Variants in CFAP69 observed in about 807,000 individuals in gnomAD.
CFAP69 encodes the protein cilia and flagella associated protein 69.
In CFAP69, 92 loss-of-function variants were observed where a neutral mutation model predicts 123.0. The ratio of observed to expected loss-of-function variants is 0.75; its 90% CI spans 0.63 to 0.89. The LOEUF (loss-of-function observed/expected upper bound fraction) is 0.89. CFAP69 is among the 40% of genes least tolerant of loss of function. The pLI, the probability that CFAP69 is intolerant of heterozygous loss-of-function variation, is 0.00. For missense variants in CFAP69, 1,067 were observed against 1,096.9 expected (o/e 0.97, Z 0.39); for synonymous variants, 380 against 364.3 (o/e 1.04, Z -0.49).
the CFAP69 span, chr7:90,316,948 A>G: frequency 2.6e-5 from 4 of 152,228 alleles, no homozygotes; most frequent in Non-Finnish European, 5.9e-5. Flanking sequence ...CTCACTTTAC[A>G]GCATTGAACT....
At chr7:90,320,048 T>C in the CFAP69 span, among the ~76,000 whole-genome samples, 2 of 152,308 alleles carry the variant, frequency 1.3e-5, no homozygotes, top group South Asian at 4.1e-4. Context: ...GAGCTTATGC[T>C]CCAACCTTCT....
intron 11 of CFAP69, among the ~76,000 whole-genome samples, 155 bp downstream of exon 11, chr7:90,277,489 TTCTTTGC>T (rs1788793026): frequency 6.6e-6 from 1 of 152,214 alleles, no homozygotes; most frequent in Non-Finnish European, 1.5e-5. Flanking sequence ...TTTAAATTTT[TTCTTTGC>T]TTATCTGTTA....
chr7:90,264,983 G>A (rs965427005), intron 4 of CFAP69, among the ~76,000 whole-genome samples: 3 of 151,862 alleles, frequency 2.0e-5, no homozygotes, highest in Non-Finnish European at 2.9e-5. Context: ...TAGAAGAGAC[G>A]GAATTTCACC....
intron 5 of CFAP69, among the ~76,000 whole-genome samples, chr7:90,266,855 TA>T (rs926086515): frequency 6.6e-6 from 1 of 152,222 alleles, no homozygotes; most frequent in African/African-American, 2.4e-5. Flanking sequence ...TACTACGTAC[TA>T]ATAAGTTATA....
At chr7:90,278,473 A>G (rs989303733) in intron 11 of CFAP69, among the ~76,000 whole-genome samples, 2 of 152,126 alleles carry the variant, frequency 1.3e-5, no homozygotes, top group African/African-American at 4.8e-5. Flanking sequence ...GTATTTTCCA[A>G]AATGCAAATG....
At chr7:90,315,298 C>A (rs564467812), downstream of CFAP69, among the ~76,000 whole-genome samples, 1 of 152,080 alleles carries the variant, frequency 6.6e-6, no homozygotes, top group African/African-American at 2.4e-5. Flanking sequence ...TAAAGACACA[C>A]GCACATGAAT....
chr7:90,282,750 A>G (rs2117078602), intron 12 of CFAP69, 142 bp from the exon 13 acceptor site: 1 of 597,010 alleles, frequency 1.7e-6, no homozygotes, highest in South Asian at 6.7e-5. Flanking sequence ...AAGGGATAAT[A>G]TTTTATTTCT....
At chr7:90,321,552 T>C in the CFAP69 span, among the ~76,000 whole-genome samples, 1 of 152,186 alleles carries the variant, frequency 6.6e-6, no homozygotes, top group African/African-American at 2.4e-5. Context: ...CCTTCTTTTT[T>C]CTTAGCTGAG....
intron 3 of CFAP69, among the ~76,000 whole-genome samples, chr7:90,260,538 A>C (rs1390582017): frequency 2.6e-5 from 4 of 152,148 alleles, no homozygotes; most frequent in Non-Finnish European, 5.9e-5. Flanking sequence ...TCTCTAAAAA[A>C]AAGAAAAAAA....
the CFAP69 span, chr7:90,318,496 T>C: frequency 2.6e-5 from 4 of 152,142 alleles, no homozygotes; most frequent in African/African-American, 9.6e-5. Context: ...ATATACTACA[T>C]TAAATATTAC....
rs763364101 is a variant in CFAP69 at position 90,299,873 on chromosome 7, C to CA, written c.1872dup (p.Phe625IlefsTer3). ...TTCTGTTTCCTTGCTAAAGTTGAAC[C>CA]AAAAAAAATTCTGTAATCTAATACT... On this transcript the variant is annotated frameshift_variant, in exon 17 of 23. Coordinates refer to ENST00000389297, the MANE Select transcript of CFAP69 (RefSeq NM_001039706.3). The CA allele has an allele frequency of 2.4e-5, 38 of 1,589,968 alleles. No homozygotes were observed. Among genetic ancestry groups the CA allele is most frequent in the Admixed American group, 3.5e-5 (2 of 57,152 alleles).
rs998211208 is a variant in CFAP69, at chr7:90,310,230, C to A, written c.2818C>A (p.Pro940Thr). ...KIVDAPKKSI[P>T]T ...TGTGGATGCACCAAAAAAGAGTATTCCTACGTAATATACTATAGAGACTTT... is the reference window on the plus strand; with the variant it reads ...TGTGGATGCACCAAAAAAGAGTATTACTACGTAATATACTATAGAGACTTT... Residue 940 changes from proline to threonine, a missense_variant, in exon 23 of 23, where the codon CCT becomes ACT. By Grantham distance (38) the Pro-to-Thr change is conservative (BLOSUM62 -1). Coordinates refer to ENST00000389297, the MANE Select transcript of CFAP69 (RefSeq NM_001039706.3). 6.2e-7 allele frequency: 1 copy of A among 1,612,604 alleles called. No homozygotes were observed. Among genetic ancestry groups the A allele is most frequent in the Non-Finnish European group, 8.5e-7 (1 of 1,179,130 alleles).
At chr7:90,303,912 T>G (rs1436542039) in intron 17 of CFAP69, 57 bp from the exon 18 acceptor site, 51 of 1,459,730 alleles carry the variant, frequency 3.5e-5, no homozygotes, top group Non-Finnish European at 4.6e-5. Context: ...AATTAAGTAT[T>G]TGTTTACTAT....
At chr7:90,251,888 T>C (rs1797054661) in intron 1 of CFAP69, 1 of 152,102 alleles carries the variant, frequency 6.6e-6, no homozygotes, top group East Asian at 1.9e-4. Flanking sequence ...AATCTGAAAA[T>C]ACACACAAAT....
chr7:90,288,336 A>C lies in CFAP69; in HGVS notation c.1759A>C (p.Thr587Pro), dbSNP rs773119448. The C allele has an allele frequency of 6.2e-7, 1 of 1,610,874 alleles. No individual in the cohort carries two copies. Among genetic ancestry groups the C allele is most frequent in the South Asian group, 1.1e-5 (1 of 90,704 alleles). Residue 587 changes from threonine (T) to proline (P), a missense_variant, in exon 15 of 23, where the codon ACA becomes CCA. Coordinates refer to ENST00000389297, the MANE Select transcript of CFAP69 (RefSeq NM_001039706.3). ...GLGYNVLLFS[T>P]LDSIWCCILG... ...AGGCTATAATGTACTTCTTTTTAGT[A>C]CATTGGACAGCATTTGGTGAGTATT... is the stretch of plus-strand genomic sequence containing the variant.
At chr7:90,260,244 G>A (rs1181469114) in intron 3 of CFAP69, among the ~76,000 whole-genome samples, 5 of 152,104 alleles carry the variant, frequency 3.3e-5, no homozygotes, top group Admixed American at 3.3e-4. Context: ...AAGTTATCAA[G>A]CCCGTGCATT....
chr7:90,281,874 G>T lies in CFAP69; in HGVS notation c.1373-1018G>T, dbSNP rs28493882. Among the ~76,000 whole-genome samples, 892 of 152,106 alleles carry T rather than the reference G, an allele frequency of 5.9e-3. 14 individuals carry two copies. Among genetic ancestry groups the T allele is most frequent in the African/African-American group, 0.02 (843 of 41,468 alleles). Reference sequence around the variant, plus strand: ...TGACTGATAATAGATTAGAATCCAGGTTCATAAAGAACTCCTATATATCAA... The same window carrying T: ...TGACTGATAATAGATTAGAATCCAGTTTCATAAAGAACTCCTATATATCAA... On this transcript the variant is annotated intron_variant, in intron 12 of 22. Coordinates refer to ENST00000389297, the MANE Select transcript of CFAP69 (RefSeq NM_001039706.3).
rs779695548 is a variant in CFAP69 at position 90,310,117 on chromosome 7, T to G, written c.2705T>G (p.Val902Gly). 5 of 1,613,808 alleles carry G rather than the reference T, an allele frequency of 3.1e-6. No individual in the cohort carries two copies. The African/African-American group carries it at 6.7e-5, about 22-fold the overall frequency. ...VTVESTPARL[V>G]GGPLVDTDIA... Reference sequence around the variant, plus strand: ...GTGGAAAGCACTCCTGCCCGATTAGTAGGAGGACCTCTGGTTGATACGGAT... The same window carrying G: ...GTGGAAAGCACTCCTGCCCGATTAGGAGGAGGACCTCTGGTTGATACGGAT... The change falls in exon 23 of 23, where the codon GTA becomes GGA. Residue 902 changes from valine to glycine, a missense_variant. By Grantham distance (109) the Val-to-Gly change is moderately radical (BLOSUM62 -3). Transcript: ENST00000389297.
At chr7:90,278,803 T>G (rs975774260) in intron 11 of CFAP69, among the ~76,000 whole-genome samples, 1 of 152,128 alleles carries the variant, frequency 6.6e-6, no homozygotes, top group Non-Finnish European at 1.5e-5. Flanking sequence ...TTTTGAAACA[T>G]TATATACTTA....
Sources: allele counts gnomAD v4.1 joint callset (sites outside exome capture counted in the v4.1 genomes callset), GRCh38; gene constraint gnomAD v4.1.1; transcripts MANE v1.5; gene names NCBI Gene and HGNC (gene_info 2026-07-23, HGNC 2026-07-21).